The following MEF2C variants were observed in gnomAD, a reference collection of about 807,000 sequenced individuals.
MEF2C encodes the protein myocyte-specific enhancer factor 2C.
In MEF2C, 6 loss-of-function variants were observed where a neutral mutation model predicts 50.5. That is an observed-to-expected ratio of 0.12 (90% CI 0.07 to 0.23). The LOEUF (loss-of-function observed/expected upper bound fraction) is 0.23. Ranked by LOEUF, MEF2C falls within the 10% of genes least tolerant of loss-of-function variation. MEF2C has a pLI of 1.00. For synonymous variants in MEF2C, 183 were observed against 228.0 expected (o/e 0.80, Z 1.78); for missense variants, 276 against 605.0 (o/e 0.46, Z 5.70).
chr5:88,785,987 C>T (rs1214071324), intron 3 of MEF2C, among the ~76,000 whole-genome samples: 1 of 152,166 alleles, frequency 6.6e-6, no homozygotes, highest in Admixed American at 6.5e-5. Flanking sequence ...GATTACTCAG[C>T]CTTCTATTCC....
intron 1 of MEF2C, among the ~76,000 whole-genome samples, chr5:88,868,920 A>G (rs1828258478): frequency 1.3e-5 from 2 of 152,136 alleles, no homozygotes. Flanking sequence ...AAAAAACATT[A>G]TAAAATCAAC....
chr5:88,740,014 T>G, intron 6 of MEF2C: 1 of 985,332 alleles, frequency 1.0e-6, no homozygotes, highest in Non-Finnish European at 1.2e-6. Context: ...GAAACCTCAG[T>G]GCATTTTGTG....
intron 1 of MEF2C, among the ~76,000 whole-genome samples, chr5:88,902,652 T>G (rs1056778012): frequency 6.6e-6 from 1 of 151,836 alleles, no homozygotes; most frequent in African/African-American, 2.4e-5. Flanking sequence ...GACCTTATTT[T>G]TTTTCCACTA....
chr5:88,893,404 A>G (rs1011829763), intron 1 of MEF2C, among the ~76,000 whole-genome samples: 3 of 149,670 alleles, frequency 2.0e-5, no homozygotes, highest in African/African-American at 7.4e-5. Context: ...TCTGCCTCCC[A>G]TAGAGATGGG....
chr5:88,723,425 A>C (rs993347814), intron 10 of MEF2C, among the ~76,000 whole-genome samples: 1 of 152,244 alleles, frequency 6.6e-6, no homozygotes, highest in African/African-American at 2.4e-5. Context: ...TACAGATGGA[A>C]TCACATAGTC....
At chr5:88,884,911 C>A (rs1833902164), upstream of MEF2C, among the ~76,000 whole-genome samples, 1 of 151,594 alleles carries the variant, frequency 6.6e-6, no homozygotes, top group Non-Finnish European at 1.5e-5. Context: ...TAAAATACAT[C>A]AACTAGTATA....
At chr5:88,855,920 C>G (rs573780785) in intron 1 of MEF2C, among the ~76,000 whole-genome samples, 1 of 152,176 alleles carries the variant, frequency 6.6e-6, no homozygotes, top group African/African-American at 2.4e-5. Flanking sequence ...TGTAAAGATG[C>G]CTGAAAATGT....
chr5:88,822,752 G>C (rs1042540449), intron 2 of MEF2C, among the ~76,000 whole-genome samples: 1 of 151,916 alleles, frequency 6.6e-6, no homozygotes, highest in Non-Finnish European at 1.5e-5. Context: ...TTACAGTCTG[G>C]TGGTTGTCCC....
intron 3 of MEF2C, chr5:88,772,904 A>T: frequency 1.9e-5 from 19 of 985,434 alleles, no homozygotes; most frequent in Non-Finnish European, 2.2e-5. Context: ...ATGCTAATTG[A>T]GGGTTTTGCC....
At chr5:88,821,204 T>C (rs1232162013) in intron 2 of MEF2C, among the ~76,000 whole-genome samples, 2 of 151,916 alleles carry the variant, frequency 1.3e-5, no homozygotes, top group Non-Finnish European at 2.9e-5. Flanking sequence ...TGCAACTATA[T>C]ATAAAAAAAG....
intron 1 of MEF2C, chr5:88,881,139 C>T (rs559740503): frequency 3.9e-5 from 6 of 152,100 alleles, no homozygotes; most frequent in South Asian, 4.1e-4. Flanking sequence ...GTCTCTTTGA[C>T]GGGAGAACCA....
chr5:88,767,306 G>A (rs1339021565), intron 3 of MEF2C, among the ~76,000 whole-genome samples: 1 of 152,196 alleles, frequency 6.6e-6, no homozygotes. Flanking sequence ...GGGAAGATTA[G>A]ATGCCAAGAA....
At chr5:88,784,404 A>G (rs896067824) in intron 3 of MEF2C, among the ~76,000 whole-genome samples, 1 of 152,210 alleles carries the variant, frequency 6.6e-6, no homozygotes, top group Non-Finnish European at 1.5e-5. Context: ...TTGAGCCAAT[A>G]TTGATAAATT....
At chr5:88,761,377 G>A in intron 3 of MEF2C, 49 bp from the exon 4 acceptor site, 1 of 1,570,034 alleles carries the variant, frequency 6.4e-7, no homozygotes, top group Non-Finnish European at 8.6e-7. Flanking sequence ...GGCTGTAAGA[G>A]ACATTCAGGG....
At chr5:88,804,920 A>T in intron 2 of MEF2C, 119 bp from the exon 3 acceptor site, 1 of 681,266 alleles carries the variant, frequency 1.5e-6, no homozygotes, top group Non-Finnish European at 2.5e-6. Context: ...AGCCCTGGGC[A>T]CTAACACATT....
intron 1 of MEF2C, among the ~76,000 whole-genome samples, chr5:88,856,806 C>T (rs1381948479): frequency 6.6e-6 from 1 of 152,210 alleles, no homozygotes; most frequent in African/African-American, 2.4e-5. Flanking sequence ...TGTAGAAATG[C>T]CTGGATGTCT....
At chr5:88,754,583 T>G (rs1159513120) in intron 4 of MEF2C, among the ~76,000 whole-genome samples, 1 of 152,222 alleles carries the variant, frequency 6.6e-6, no homozygotes, top group East Asian at 1.9e-4. Context: ...TTTGGAAATC[T>G]GTTGGACTAT....
intron 1 of MEF2C, among the ~76,000 whole-genome samples, chr5:88,847,701 A>G (rs190701485): frequency 2.6e-5 from 4 of 152,232 alleles, no homozygotes; most frequent in Admixed American, 6.5e-5. Context: ...TAACTTGACT[A>G]TAAAACACAT....
chr5:88,748,797 T>C, intron 6 of MEF2C: 3 of 985,466 alleles, frequency 3.0e-6, no homozygotes, highest in Non-Finnish European at 3.6e-6. Flanking sequence ...AAGGATGGTA[T>C]CCAGGATTAA....
Sources: allele counts gnomAD v4.1 joint callset (sites outside exome capture counted in the v4.1 genomes callset), GRCh38; gene constraint gnomAD v4.1.1; transcripts MANE v1.5; gene names NCBI Gene and HGNC (gene_info 2026-07-23, HGNC 2026-07-21).